Variants in DACH1 observed in about 807,000 individuals in gnomAD.
The protein encoded by DACH1 is dachshund homolog 1.
In DACH1, 12 loss-of-function variants were observed where a neutral mutation model predicts 54.2. The ratio of observed to expected loss-of-function variants is 0.22; its 90% confidence interval spans 0.14 to 0.36. The LOEUF (loss-of-function observed/expected upper bound fraction) is 0.36. DACH1 is among the 10% of genes least tolerant of loss of function. DACH1 has a pLI of 1.00. For missense variants in DACH1, 805 were observed against 929.8 expected, an observed-to-expected ratio of 0.87 and a Z score of 1.75; for synonymous variants, 386 against 366.2, an observed-to-expected ratio of 1.05 and a Z score of -0.62.
intron 1 of DACH1, among the ~76,000 whole-genome samples, chr13:71,851,410 G>T (rs552724830): frequency 6.6e-6 from 1 of 152,046 alleles, no homozygotes. Flanking sequence ...TGGCCATTTT[G>T]ATTTATTTAT....
intron 1 of DACH1, among the ~76,000 whole-genome samples, chr13:71,756,794 G>GA (rs1344747107): frequency 1.3e-5 from 2 of 151,942 alleles, no homozygotes; most frequent in Admixed American, 6.6e-5. Flanking sequence ...TTTTCTAAAG[G>GA]AAAAATCATA....
intron 3 of DACH1, among the ~76,000 whole-genome samples, chr13:71,615,371 T>TTA (rs1387570619): frequency 6.6e-6 from 1 of 152,218 alleles, no homozygotes; most frequent in East Asian, 1.9e-4. Flanking sequence ...AAACCAAGCT[T>TTA]ATTAAGGGCT....
At chr13:71,540,130 C>T (rs945505939) in intron 6 of DACH1, among the ~76,000 whole-genome samples, 1 of 151,290 alleles carries the variant, frequency 6.6e-6, no homozygotes, top group African/African-American at 2.4e-5. Context: ...GAAAATGTTT[C>T]CAATTAGATT....
At chr13:71,727,516 T>C (rs1883527110) in intron 1 of DACH1, among the ~76,000 whole-genome samples, 1 of 152,160 alleles carries the variant, frequency 6.6e-6, no homozygotes, top group Non-Finnish European at 1.5e-5. Context: ...TTGCTAATAA[T>C]ATGGCATTGA....
intron 10 of DACH1, among the ~76,000 whole-genome samples, chr13:71,450,297 T>C (rs1402151353): frequency 1.3e-5 from 2 of 152,038 alleles, no homozygotes; most frequent in Non-Finnish European, 2.9e-5. Flanking sequence ...ATTCTCCCAA[T>C]ATTTTCAACT....
intron 1 of DACH1, among the ~76,000 whole-genome samples, chr13:71,797,636 G>A (rs548607619): frequency 2.6e-5 from 4 of 152,182 alleles, no homozygotes; most frequent in Admixed American, 2.6e-4. Context: ...TGGTGCTGAG[G>A]AGAAGTAGGG....
chr13:71,722,216 T>C (rs1034604401), intron 1 of DACH1, among the ~76,000 whole-genome samples: 1 of 152,210 alleles, frequency 6.6e-6, no homozygotes, highest in Non-Finnish European at 1.5e-5. Flanking sequence ...TTTTAAGAAG[T>C]TTAGTAAGTT....
intron 7 of DACH1, among the ~76,000 whole-genome samples, chr13:71,485,572 C>CTTTT (rs1878424430): frequency 4.8e-5 from 4 of 84,188 alleles, no homozygotes; most frequent in South Asian, 4.0e-4. Flanking sequence ...CTTTTCTTTT[C>CTTTT]TTCTTTTTTT....
At chr13:71,757,476 A>G (rs776736988) in intron 1 of DACH1, among the ~76,000 whole-genome samples, 1 of 151,634 alleles carries the variant, frequency 6.6e-6, no homozygotes, top group East Asian at 1.9e-4. Flanking sequence ...AATAATGCCA[A>G]TCTCACCAGT....
At chr13:71,488,147 T>C (rs2138201499) in intron 7 of DACH1, among the ~76,000 whole-genome samples, 1 of 152,266 alleles carries the variant, frequency 6.6e-6, no homozygotes, top group African/African-American at 2.4e-5. Flanking sequence ...AGGATATGTG[T>C]ACAGAAAAAT....
intron 1 of DACH1, among the ~76,000 whole-genome samples, chr13:71,810,303 T>C (rs1887663851): frequency 6.6e-6 from 1 of 152,186 alleles, no homozygotes; most frequent in South Asian, 2.1e-4. Context: ...GTTTATCTAA[T>C]GCCAAAGCAG....
chr13:71,446,391 C>A (rs182731302), intron 10 of DACH1, among the ~76,000 whole-genome samples: 164 of 152,258 alleles, frequency 1.1e-3, no homozygotes, highest in African/African-American at 3.8e-3. Context: ...AGTAAACTGG[C>A]AATAATGATT....
chr13:71,766,912 A>G (rs1885656340), intron 1 of DACH1, among the ~76,000 whole-genome samples: 1 of 151,950 alleles, frequency 6.6e-6, no homozygotes, highest in African/African-American at 2.4e-5. Flanking sequence ...ACTCATTAGC[A>G]TCTTGCAGAT....
At chr13:71,861,955 G>A (rs1045783987) in intron 1 of DACH1, among the ~76,000 whole-genome samples, 5 of 140,700 alleles carry the variant, frequency 3.6e-5, no homozygotes, top group Non-Finnish European at 7.7e-5. Flanking sequence ...AAAATGTTTT[G>A]TACTTCTTAC....
chr13:71,571,452 C>A (rs1885190557), intron 4 of DACH1, among the ~76,000 whole-genome samples: 1 of 152,082 alleles, frequency 6.6e-6, no homozygotes, highest in Non-Finnish European at 1.5e-5. Context: ...ATTGAATAAT[C>A]TGGTAACAAT....
chr13:71,613,639 G>A (rs550122790), intron 3 of DACH1, among the ~76,000 whole-genome samples: 21 of 152,228 alleles, frequency 1.4e-4, no homozygotes, highest in Non-Finnish European at 2.9e-4. Context: ...ATGGTTTGGA[G>A]GAAGAATAAA....
chr13:71,803,244 C>T (rs1273985227), intron 1 of DACH1, among the ~76,000 whole-genome samples: 1 of 152,022 alleles, frequency 6.6e-6, no homozygotes, highest in Non-Finnish European at 1.5e-5. Context: ...TGTAAGATTC[C>T]TGGTAGTGCT....
At chr13:71,678,934 G>A (rs1880727766) in intron 2 of DACH1, among the ~76,000 whole-genome samples, 1 of 152,116 alleles carries the variant, frequency 6.6e-6, no homozygotes, top group Non-Finnish European at 1.5e-5. Flanking sequence ...TGCTGGGATT[G>A]TAGGCCTGAA....
At chr13:71,551,730 T>A (rs1043432787) in intron 6 of DACH1, among the ~76,000 whole-genome samples, 12 of 152,164 alleles carry the variant, frequency 7.9e-5, no homozygotes, top group African/African-American at 2.7e-4. Flanking sequence ...TACATAATGA[T>A]TTTCTTTCAA....
Sources: gnomAD v4.1 joint callset for allele counts (sites outside exome capture counted in the v4.1 genomes callset) on GRCh38, gnomAD v4.1.1 for gene constraint, MANE v1.5 for transcripts, NCBI Gene and HGNC (gene_info 2026-07-23, HGNC 2026-07-21) for gene names.